Variants in GAB1 observed in about 807,000 individuals in gnomAD.
The protein encoded by GAB1 is GRB2 associated binding protein 1, also known as GRB2-associated-binding protein 1.
A neutral mutation model predicts 66.5 loss-of-function variants in GAB1; 19 were observed. That is an observed-to-expected ratio of 0.29 (90% CI 0.20 to 0.42). The LOEUF (loss-of-function observed/expected upper bound fraction) is 0.42, where lower values mean the gene tolerates loss of function less well. Ranked by LOEUF, GAB1 falls within the 10% of genes least tolerant of loss-of-function variation. The pLI, the probability that GAB1 is intolerant of heterozygous loss-of-function variation, is 1.00. For synonymous variants in GAB1, 294 were observed against 301.4 expected (o/e 0.98, Z 0.25); for missense variants, 732 against 858.5 (o/e 0.85, Z 1.84).
intron 1 of GAB1, chr4:143,349,796 G>A: frequency 8.8e-6 from 14 of 1,587,788 alleles, no homozygotes; most frequent in South Asian, 1.1e-5. Flanking sequence ...AACCTCGTGC[G>A]CTGGCCGGCA....
At chr4:143,462,009 A>C (rs564105268) in intron 8 of GAB1, among the ~76,000 whole-genome samples, 1 of 152,290 alleles carries the variant, frequency 6.6e-6, no homozygotes, top group Non-Finnish European at 1.5e-5. Context: ...AGTCCCAGCT[A>C]CTCAGGAGGC....
chr4:143,371,390 G>T (rs185520782), intron 1 of GAB1, among the ~76,000 whole-genome samples: 183 of 152,274 alleles, frequency 1.2e-3, no homozygotes, highest in African/African-American at 4.3e-3. Flanking sequence ...ACTTTTTGAT[G>T]GGGTTGTTTG....
chr4:143,360,435 A>T (rs1450662406), intron 1 of GAB1, among the ~76,000 whole-genome samples: 1 of 152,114 alleles, frequency 6.6e-6, no homozygotes, highest in Non-Finnish European at 1.5e-5. Flanking sequence ...TTGCCTTTTC[A>T]GTGGTTAACT....
intron 1 of GAB1, among the ~76,000 whole-genome samples, chr4:143,384,115 T>G (rs1730786020): frequency 6.6e-6 from 1 of 152,096 alleles, no homozygotes; most frequent in Non-Finnish European, 1.5e-5. Context: ...AAAGTCCACT[T>G]TGGTGATAAG....
intron 1 of GAB1, among the ~76,000 whole-genome samples, chr4:143,386,981 G>C (rs1730946830): frequency 6.6e-6 from 1 of 152,144 alleles, no homozygotes; most frequent in Admixed American, 6.5e-5. Context: ...AACATGGGAG[G>C]AGCAACTGGT....
intron 3 of GAB1, chr4:143,434,180 G>A (rs1198907559): frequency 7.9e-7 from 1 of 1,260,098 alleles, no homozygotes; most frequent in South Asian, 1.3e-5. Context: ...TGAGTGTGTT[G>A]TGGTGGTTTT....
At chr4:143,446,467 C>G (rs1447584928) in intron 6 of GAB1, among the ~76,000 whole-genome samples, 1 of 150,464 alleles carries the variant, frequency 6.6e-6, no homozygotes, top group East Asian at 2.0e-4. Context: ...TGTTTCCTGA[C>G]TTTTTAATGA....
chr4:143,408,906 A>G (rs1434184447), intron 1 of GAB1, among the ~76,000 whole-genome samples: 1 of 152,204 alleles, frequency 6.6e-6, no homozygotes, highest in East Asian at 1.9e-4. Flanking sequence ...GCGGGTTAGT[A>G]AAATTACAGT....
At chr4:143,337,939 G>C (rs534639946) in intron 1 of GAB1, among the ~76,000 whole-genome samples, 45 of 152,332 alleles carry the variant, frequency 3.0e-4, no homozygotes, top group African/African-American at 4.8e-4. Context: ...AGGGCGCTGG[G>C]GGGGAGCCTA....
intron 1 of GAB1, among the ~76,000 whole-genome samples, chr4:143,388,454 G>T (rs746114624): frequency 1.3e-5 from 2 of 152,128 alleles, no homozygotes; most frequent in Admixed American, 6.5e-5. Context: ...TCGCTCTGTC[G>T]CCCAGGCTGG....
intron 6 of GAB1, among the ~76,000 whole-genome samples, chr4:143,445,646 T>C (rs1227218225): frequency 1.3e-5 from 2 of 152,174 alleles, no homozygotes; most frequent in African/African-American, 4.8e-5. Flanking sequence ...GAAGACTTGG[T>C]CATAATGCCT....
intron 3 of GAB1, among the ~76,000 whole-genome samples, chr4:143,434,563 C>T (rs778564260): frequency 6.6e-6 from 1 of 151,970 alleles, no homozygotes; most frequent in Non-Finnish European, 1.5e-5. Flanking sequence ...ACTATGTTGC[C>T]TAGGCTGATC....
At chr4:143,351,538 G>T (rs1259295599) in intron 1 of GAB1, among the ~76,000 whole-genome samples, 2 of 152,192 alleles carry the variant, frequency 1.3e-5, no homozygotes, top group Non-Finnish European at 2.9e-5. Context: ...TGGCCGGCCA[G>T]GGTGGTCTTG....
chr4:143,455,388 A>G (rs1029858421), intron 6 of GAB1, among the ~76,000 whole-genome samples: 1 of 152,222 alleles, frequency 6.6e-6, no homozygotes, highest in Non-Finnish European at 1.5e-5. Flanking sequence ...TAACTCGGTA[A>G]GATTTAGCAG....
chr4:143,447,187 G>A (rs1176741574), intron 6 of GAB1, among the ~76,000 whole-genome samples: 5 of 151,992 alleles, frequency 3.3e-5, no homozygotes, highest in Non-Finnish European at 7.4e-5. Context: ...ATGCTGTTTT[G>A]GTTACTGTAG....
intron 1 of GAB1, chr4:143,395,541 G>A (rs1731404539): frequency 1.0e-5 from 2 of 191,872 alleles, no homozygotes; most frequent in East Asian, 1.7e-4. Flanking sequence ...CCATGTTTTC[G>A]TGGATTAGTA....
intron 1 of GAB1, among the ~76,000 whole-genome samples, chr4:143,410,961 G>A (rs1312122497): frequency 6.6e-6 from 1 of 152,200 alleles, no homozygotes; most frequent in Non-Finnish European, 1.5e-5. Flanking sequence ...GGAAAAAGGT[G>A]GAAATGGAGA....
chr4:143,351,399 C>T (rs945373071), intron 1 of GAB1, among the ~76,000 whole-genome samples: 1 of 152,166 alleles, frequency 6.6e-6, no homozygotes, highest in South Asian at 2.1e-4. Context: ...TTCGGCCAGT[C>T]GATGGTCAGC....
intron 1 of GAB1, among the ~76,000 whole-genome samples, chr4:143,377,179 G>A (rs1011344246): frequency 8.6e-5 from 13 of 151,756 alleles, no homozygotes; most frequent in African/African-American, 2.4e-4. Context: ...AAATGTTTCC[G>A]AAAAGTTGTG....
Sources: gnomAD v4.1 joint callset for allele counts (sites outside exome capture counted in the v4.1 genomes callset) on GRCh38, gnomAD v4.1.1 for gene constraint, MANE v1.5 for transcripts, NCBI Gene and HGNC (gene_info 2026-07-23, HGNC 2026-07-21) for gene names.